CNBD2: variants seen among roughly 807,000 people sequenced by gnomAD.
CNBD2 encodes the protein cyclic nucleotide binding domain containing 2, also known as cyclic nucleotide-binding domain-containing protein 2.
Under a neutral mutation model 63.7 loss-of-function variants are expected in CNBD2, and 64 were observed. The observed-to-expected ratio is 1.00, with a 90% CI of 0.82 to 1.24. CNBD2 has a LOEUF of 1.24. CNBD2 is among the 50% of genes most tolerant of loss of function. CNBD2 has a pLI of 0.00. For missense variants in CNBD2, 691 were observed against 713.5 expected, an observed-to-expected ratio of 0.97 and a Z score of 0.36; for synonymous variants, 229 against 255.4, an observed-to-expected ratio of 0.90 and a Z score of 0.99.
intron 2 of CNBD2, among the ~76,000 whole-genome samples, chr20:35,960,647 C>CCGGCCTCT: frequency 6.6e-6 from 1 of 152,100 alleles, no homozygotes; most frequent in East Asian, 1.9e-4. Flanking sequence ...GCCACCGTGC[C>CCGGCCTCT]TGCCCCTACC....
chr20:36,024,938 C>T (rs950171001), intron 11 of CNBD2, among the ~76,000 whole-genome samples: 1 of 151,834 alleles, frequency 6.6e-6, no homozygotes, highest in Non-Finnish European at 1.5e-5. Flanking sequence ...CTGTCTCAAA[C>T]AAAAATAATA....
intron 8 of CNBD2, among the ~76,000 whole-genome samples, chr20:36,001,866 T>A (rs2056914271): frequency 7.0e-6 from 1 of 142,446 alleles, no homozygotes; most frequent in African/African-American, 2.7e-5. Flanking sequence ...GCTCCTCACT[T>A]CCTAGATGGG....
intron 10 of CNBD2, among the ~76,000 whole-genome samples, chr20:36,019,727 G>A (rs533956557): frequency 5.9e-5 from 9 of 152,038 alleles, no homozygotes; most frequent in African/African-American, 1.9e-4. Flanking sequence ...GGCTTGGAAG[G>A]GTGAGACAGC....
At chr20:35,985,809 A>T (rs74802307) in intron 6 of CNBD2, among the ~76,000 whole-genome samples, 6,117 of 152,250 alleles carry the variant, frequency 0.04, 267 homozygotes, top group African/African-American at 0.11. Context: ...TCTTGATTGC[A>T]TGGTAATTTC....
intron 8 of CNBD2, among the ~76,000 whole-genome samples, chr20:36,005,701 A>C (rs2056974486): frequency 6.6e-6 from 1 of 152,106 alleles, no homozygotes; most frequent in South Asian, 2.1e-4. Flanking sequence ...CTGTAATCCC[A>C]GCACTTTGGG....
chr20:36,007,128 G>A (rs1431137893), intron 8 of CNBD2, among the ~76,000 whole-genome samples: 1 of 152,070 alleles, frequency 6.6e-6, no homozygotes, highest in Non-Finnish European at 1.5e-5. Context: ...GGTGGAGCTT[G>A]CAGTGAGCAG....
intron 10 of CNBD2, among the ~76,000 whole-genome samples, chr20:36,016,511 C>T (rs1271950323): frequency 2.0e-5 from 3 of 152,182 alleles, no homozygotes; most frequent in Middle Eastern, 3.4e-3. Context: ...ACCACCAGGC[C>T]GGGCACAGTG....
chr20:36,024,306 G>C (rs564697164), intron 11 of CNBD2, among the ~76,000 whole-genome samples: 25 of 152,274 alleles, frequency 1.6e-4, no homozygotes, highest in African/African-American at 4.6e-4. Context: ...CTGCACTCCA[G>C]CCTGGGTAAC....
chr20:36,005,946 A>C (rs1357552124), intron 8 of CNBD2, among the ~76,000 whole-genome samples: 1 of 152,060 alleles, frequency 6.6e-6, no homozygotes, highest in African/African-American at 2.4e-5. Context: ...GCAATACTCC[A>C]TCTCAAAAAC....
chr20:36,011,392 T>G, intron 10 of CNBD2, 135 bp downstream of exon 10: 1 of 1,199,950 alleles, frequency 8.3e-7, no homozygotes, highest in Non-Finnish European at 1.1e-6. Flanking sequence ...TTTGTAAAGA[T>G]GTGATAAGAA....
intron 3 of CNBD2, 32 bp downstream of exon 3, chr20:35,976,034 A>G (rs199638938): frequency 4.4e-6 from 7 of 1,584,720 alleles, no homozygotes; most frequent in Middle Eastern, 1.7e-4. Flanking sequence ...CTGTGGGGGA[A>G]TTTTCTTTCT....
At chr20:35,954,885 C>G (rs896003598) in exon 1 of CNBD2, 1 of 276,850 alleles carries the variant, frequency 3.6e-6, no homozygotes, top group Non-Finnish European at 7.6e-6. Flanking sequence ...GGTGGTGACC[C>G]GAACAGGAGA....
chr20:35,977,276 A>T (rs149950982), intron 3 of CNBD2, among the ~76,000 whole-genome samples: 1 of 152,218 alleles, frequency 6.6e-6, no homozygotes, highest in Non-Finnish European at 1.5e-5. Flanking sequence ...GTTCCAACAC[A>T]GGGAAGAGTA....
intron 9 of CNBD2, among the ~76,000 whole-genome samples, chr20:36,010,541 C>A (rs774146024): frequency 4.6e-5 from 7 of 151,714 alleles, no homozygotes; most frequent in Non-Finnish European, 1.0e-4. Context: ...GAGGCCAAAG[C>A]GGGTGGATCA....
intron 8 of CNBD2, 98 bp from the exon 9 acceptor site, chr20:36,008,199 A>G: frequency 2.0e-6 from 2 of 1,003,304 alleles, no homozygotes; most frequent in Non-Finnish European, 3.0e-6. Flanking sequence ...GTGCTAGACC[A>G]TCCAGGCAGG....
intron 8 of CNBD2, among the ~76,000 whole-genome samples, chr20:36,002,130 T>A (rs891315728): frequency 1.6e-4 from 25 of 152,194 alleles, no homozygotes; most frequent in Admixed American, 5.9e-4. Flanking sequence ...TGAGCCGGAC[T>A]CCGTCTGCAA....
At chr20:36,025,275 G>T (rs1385508895) in intron 11 of CNBD2, among the ~76,000 whole-genome samples, 1 of 152,088 alleles carries the variant, frequency 6.6e-6, no homozygotes, top group Non-Finnish European at 1.5e-5. Flanking sequence ...CGTTTTCTCT[G>T]GGAGGTGAGA....
intron 9 of CNBD2, among the ~76,000 whole-genome samples, chr20:36,008,683 T>C (rs2057016906): frequency 6.6e-6 from 1 of 152,196 alleles, no homozygotes; most frequent in Admixed American, 6.5e-5. Context: ...CAAGGCTACG[T>C]CAGGCATTCA....
chr20:35,994,499 G>A (rs557268642), intron 7 of CNBD2, among the ~76,000 whole-genome samples: 8 of 150,572 alleles, frequency 5.3e-5, no homozygotes, highest in East Asian at 2.0e-4. Context: ...GTGAGCCACC[G>A]TGCCTGGCTT....
Sources: gnomAD v4.1 joint callset for allele counts (sites outside exome capture counted in the v4.1 genomes callset) on GRCh38, gnomAD v4.1.1 for gene constraint, MANE v1.5 for transcripts, NCBI Gene and HGNC (gene_info 2026-07-23, HGNC 2026-07-21) for gene names.